Variants in AOPEP observed in about 807,000 individuals in gnomAD.
AOPEP encodes the protein aminopeptidase O (putative).
In AOPEP, 77 loss-of-function variants were observed where a neutral mutation model predicts 98.1. The observed-to-expected ratio is 0.78, with a 90% confidence interval of 0.65 to 0.95. The LOEUF (loss-of-function observed/expected upper bound fraction) is 0.95, where lower values mean the gene tolerates loss of function less well. Among genes scored for constraint, AOPEP ranks in the 40% least tolerant of loss-of-function variants. The probability of loss-of-function intolerance (pLI) is 0.00; values close to 1 mark genes in which losing one functional copy is unlikely to be tolerated. For synonymous variants in AOPEP, 346 were observed against 365.3 expected, an observed-to-expected ratio of 0.95 and a Z score of 0.60; for missense variants, 1,024 against 1,024.7, an observed-to-expected ratio of 1.00 and a Z score of 0.01.
chr9:94,913,932 G>A (rs1325192346), intron 5 of AOPEP, among the ~76,000 whole-genome samples: 4 of 152,188 alleles, frequency 2.6e-5, no homozygotes, highest in African/African-American at 4.8e-5. Flanking sequence ...TTCACCCTTA[G>A]TAATATGGAA....
chr9:94,980,014 C>A lies in AOPEP; in HGVS notation c.1977+587C>A, dbSNP rs1270062098. Among the ~76,000 whole-genome samples, 1 of 152,186 alleles carries A rather than the reference C, an allele frequency of 6.6e-6. No individual in the cohort carries two copies. Among genetic ancestry groups the A allele is most frequent in the Non-Finnish European group, 1.5e-5 (1 of 68,042 alleles). ...TCTGTCTTAGGGACCTGGGCTCATC[C>A]CAGCTGGAGATTGTTGTTCTCTCCC... is the stretch of plus-strand genomic sequence containing the variant. On this transcript the variant is annotated intron_variant, in intron 11 of 16. Coordinates refer to ENST00000375315, the MANE Select transcript of AOPEP (RefSeq NM_001193329.3). This position sits in a 1 kb window ranked among gnomAD's most constrained non-coding sequence, Gnocchi z 4.3.
At chr9:95,002,056 G>T (rs770253611) in intron 11 of AOPEP, among the ~76,000 whole-genome samples, 6 of 151,970 alleles carry the variant, frequency 3.9e-5, no homozygotes, top group Non-Finnish European at 8.8e-5. Flanking sequence ...GGGGATTACA[G>T]GTGTGAGCCA....
intron 14 of AOPEP, among the ~76,000 whole-genome samples, chr9:95,071,289 G>A (rs1044536365): frequency 5.0e-5 from 3 of 59,524 alleles, no homozygotes; most frequent in Non-Finnish European, 9.8e-5. Flanking sequence ...CCCTCCCCCC[G>A]CCCCACACAC....
chr9:95,085,602 T>C (rs549163057), intron 16 of AOPEP: 4 of 417,144 alleles, frequency 9.6e-6, no homozygotes, highest in Non-Finnish European at 1.9e-5. Context: ...GGCCGGCCGC[T>C]GCTGCACAGT....
the AOPEP span, chr9:95,125,191 C>A: frequency 1.2e-6 from 2 of 1,609,802 alleles, no homozygotes; most frequent in Non-Finnish European, 1.7e-6. Flanking sequence ...CACACCTGAA[C>A]AATGCAAAGT....
chr9:94,771,434 C>T (rs1840847367), intron 2 of AOPEP, among the ~76,000 whole-genome samples: 1 of 152,124 alleles, frequency 6.6e-6, no homozygotes, highest in South Asian at 2.1e-4. Context: ...TTTCCCTGCC[C>T]CATGTCAAAC....
intron 13 of AOPEP, among the ~76,000 whole-genome samples, chr9:95,014,852 G>A (rs1200927352): frequency 2.0e-5 from 3 of 152,184 alleles, no homozygotes; most frequent in African/African-American, 7.2e-5. Context: ...AATGAGGATT[G>A]CTGAAAACCT....
At chr9:95,141,173 A>T in the AOPEP span, among the ~76,000 whole-genome samples, 7 of 151,914 alleles carry the variant, frequency 4.6e-5, no homozygotes, top group African/African-American at 1.7e-4. Flanking sequence ...TTAGCAAGGC[A>T]TGGTGGCACA....
chr9:95,137,029 T>C, the AOPEP span, among the ~76,000 whole-genome samples: 1 of 152,094 alleles, frequency 6.6e-6, no homozygotes, highest in African/African-American at 2.4e-5. Context: ...TTGATGTCTA[T>C]TCATTAATCT....
At chr9:95,111,219 G>A in the AOPEP span, 1 of 1,536,546 alleles carries the variant, frequency 6.5e-7, no homozygotes, top group Non-Finnish European at 8.7e-7. Flanking sequence ...GGGAAGAAGG[G>A]TCTTCGTTTT....
At chr9:95,077,436 G>A (rs1308567195) in intron 14 of AOPEP, among the ~76,000 whole-genome samples, 2 of 152,240 alleles carry the variant, frequency 1.3e-5, no homozygotes, top group Non-Finnish European at 2.9e-5. Context: ...GACCAGAAGA[G>A]ACAGTGAGGA....
intron 11 of AOPEP, among the ~76,000 whole-genome samples, chr9:95,000,068 T>A (rs911126590): frequency 2.0e-5 from 3 of 152,168 alleles, no homozygotes; most frequent in African/African-American, 7.2e-5. Context: ...TTTTGAAAAT[T>A]ATGCTTTGTA....
intron 3 of AOPEP, among the ~76,000 whole-genome samples, chr9:94,781,225 G>A (rs1427258070): frequency 1.3e-5 from 2 of 151,908 alleles, no homozygotes; most frequent in Non-Finnish European, 2.9e-5. Context: ...GTTATCCTGT[G>A]GCTTATTGTT....
At chr9:94,866,647 A>G (rs916787625) in intron 5 of AOPEP, among the ~76,000 whole-genome samples, 1 of 152,244 alleles carries the variant, frequency 6.6e-6, no homozygotes, top group Non-Finnish European at 1.5e-5. Flanking sequence ...TTCAATCAGT[A>G]TATAGAATTG....
intron 5 of AOPEP, among the ~76,000 whole-genome samples, chr9:94,804,588 C>T (rs984998848): frequency 1.3e-5 from 2 of 152,130 alleles, no homozygotes; most frequent in Non-Finnish European, 2.9e-5. Context: ...GAGCTTTTCC[C>T]CACCTGTTCT....
intron 11 of AOPEP, among the ~76,000 whole-genome samples, chr9:94,997,867 AT>A (rs1395051117): frequency 6.6e-6 from 1 of 151,380 alleles, no homozygotes. Context: ...CTAATTTTTT[AT>A]TTTCATTTTT....
chr9:95,031,587 AG>A (rs2064305610), intron 13 of AOPEP, among the ~76,000 whole-genome samples: 1 of 152,220 alleles, frequency 6.6e-6, no homozygotes. Flanking sequence ...GTGGGGAGTG[AG>A]GACAGAACTG....
chr9:94,973,333 A>G (rs2059641972), intron 10 of AOPEP, among the ~76,000 whole-genome samples: 1 of 152,218 alleles, frequency 6.6e-6, no homozygotes, highest in African/African-American at 2.4e-5. Context: ...CATTCTTGTC[A>G]TCCCACCTTG....
chr9:94,749,673 A>T (rs2132171094), intron 1 of AOPEP, among the ~76,000 whole-genome samples: 1 of 152,288 alleles, frequency 6.6e-6, no homozygotes, highest in African/African-American at 2.4e-5. Flanking sequence ...TGAAGTTTTT[A>T]TCTCAAATAT....
Sources: gnomAD v4.1 joint callset for allele counts (sites outside exome capture counted in the v4.1 genomes callset) on GRCh38, gnomAD v4.1.1 for gene constraint, Gnocchi (gnomAD v3.1) non-coding constraint, MANE v1.5 for transcripts, NCBI Gene and HGNC (gene_info 2026-07-23, HGNC 2026-07-21) for gene names.